XPNPEP3: variants seen among roughly 807,000 people sequenced by gnomAD.
XPNPEP3 encodes X-prolyl aminopeptidase 3.
A neutral mutation model predicts 60.0 loss-of-function variants in XPNPEP3; 41 were observed. That is an observed-to-expected ratio of 0.68 (90% CI 0.53 to 0.89). XPNPEP3 has a LOEUF of 0.89. Ranked by LOEUF, XPNPEP3 falls within the 40% of genes least tolerant of loss-of-function variation. The probability of loss-of-function intolerance (pLI) is 0.00; values close to 1 mark genes in which losing one functional copy is unlikely to be tolerated. For missense variants in XPNPEP3, 598 were observed against 638.9 expected (o/e 0.94, Z 0.69); for synonymous variants, 212 against 223.2 (o/e 0.95, Z 0.45).
At chr22:40,896,975 T>C (rs2058110715) in intron 4 of XPNPEP3, among the ~76,000 whole-genome samples, 1 of 152,188 alleles carries the variant, frequency 6.6e-6, no homozygotes, top group African/African-American at 2.4e-5. Flanking sequence ...CAGAATGACA[T>C]TCCTCTATGG....
chr22:40,893,192 G>T (rs934100187), intron 4 of XPNPEP3, among the ~76,000 whole-genome samples: 69 of 144,788 alleles, frequency 4.8e-4, no homozygotes, highest in African/African-American at 1.7e-3. Flanking sequence ...TGCAAAACAG[G>T]TTGCTTTCCC....
At chr22:40,904,056 A>G (rs1169040025) in intron 4 of XPNPEP3, among the ~76,000 whole-genome samples, 1 of 152,218 alleles carries the variant, frequency 6.6e-6, no homozygotes, top group East Asian at 1.9e-4. Flanking sequence ...TTTAACAGTC[A>G]AAATACAAAC....
At chr22:40,906,399 G>A (rs994265721) in intron 4 of XPNPEP3, among the ~76,000 whole-genome samples, 17 of 150,598 alleles carry the variant, frequency 1.1e-4, no homozygotes, top group African/African-American at 3.9e-4. Context: ...CCAGCCTGTG[G>A]GATGGAGTGA....
intron 1 of XPNPEP3, chr22:40,861,051 T>C (rs1338254447): frequency 1.9e-6 from 3 of 1,565,732 alleles, no homozygotes; most frequent in Non-Finnish European, 2.6e-6. Flanking sequence ...ATGTTATATA[T>C]TTGAAGAGTC....
intron 1 of XPNPEP3, 38 bp from the exon 2 acceptor site, chr22:40,868,961 T>C (rs1386495870): frequency 1.3e-6 from 2 of 1,523,708 alleles, no homozygotes; most frequent in African/African-American, 2.7e-5. Flanking sequence ...ACTTTCTAGA[T>C]CTATTGTTTC....
Position 40,877,219 on chromosome 22 carries a change from C to G in XPNPEP3, c.182-4551C>G, listed in dbSNP as rs150924764. Among the ~76,000 whole-genome samples, 772 of 152,234 alleles carry G rather than the reference C, an allele frequency of 5.1e-3. 3 individuals carry two copies. Among genetic ancestry groups the G allele is most frequent in the African/African-American group, 0.017 (723 of 41,538 alleles). ...CAGTCATTGCATTTTTTCTGAGAGG[C>G]CTGTTTTACATTATAAAGGAAACAC... On this transcript the variant is annotated intron_variant, in intron 2 of 9. Coordinates refer to ENST00000357137, the MANE Select transcript of XPNPEP3 (RefSeq NM_022098.4).
At chr22:40,875,017 C>T (rs1015446957) in intron 2 of XPNPEP3, among the ~76,000 whole-genome samples, 6 of 152,072 alleles carry the variant, frequency 3.9e-5, no homozygotes, top group African/African-American at 1.4e-4. Context: ...TAGATTATAC[C>T]TGATAGAATA....
intron 2 of XPNPEP3, among the ~76,000 whole-genome samples, chr22:40,871,306 T>C (rs1752941835): frequency 6.6e-6 from 1 of 152,194 alleles, no homozygotes; most frequent in Admixed American, 6.5e-5. Context: ...TGAGCTGTGA[T>C]CATGCCTCTG....
chr22:40,862,572 G>T, intron 1 of XPNPEP3: 1 of 985,446 alleles, frequency 1.0e-6, no homozygotes, highest in Non-Finnish European at 1.2e-6. Context: ...ATGATGAGAG[G>T]AAGTACTGGA....
intron 7 of XPNPEP3, chr22:40,917,855 G>T (rs1229944354): frequency 6.6e-6 from 1 of 151,592 alleles, no homozygotes; most frequent in Non-Finnish European, 1.5e-5. Flanking sequence ...AATCATGAAA[G>T]AAAAAAATAG....
Position 40,922,193 on chromosome 22 carries a change from T to C in XPNPEP3, c.1056-140T>C, listed in dbSNP as rs1334748618. ...GGACATGATTGAGCTCCTGGCCATA[T>C]TGATAGATTGGTACTTATTAAACAT... On this transcript the variant is annotated intron_variant, in intron 7 of 9. Transcript: ENST00000357137. 10 of 943,384 alleles carry C rather than the reference T, an allele frequency of 1.1e-5. No individual in the cohort carries two copies. In the African/African-American group the frequency reaches 1.5e-4, roughly 14 times the overall value. The allele number at this position is 943,384 out of a possible 1,614,324, so 58.4% of individuals were successfully genotyped here.
At chr22:40,881,234 A>C (rs911377738) in intron 2 of XPNPEP3, among the ~76,000 whole-genome samples, 5 of 151,972 alleles carry the variant, frequency 3.3e-5, no homozygotes, top group Middle Eastern at 3.4e-3. Context: ...TTTTTAGTAG[A>C]GATGAGGTTT....
At chr22:40,861,008 G>A in intron 1 of XPNPEP3, 1 of 1,493,042 alleles carries the variant, frequency 6.7e-7, no homozygotes. Context: ...TACAAAATTT[G>A]TGATTAACCA....
chr22:40,892,851 C>T (rs931661231), intron 4 of XPNPEP3, among the ~76,000 whole-genome samples: 5 of 151,960 alleles, frequency 3.3e-5, no homozygotes, highest in African/African-American at 1.2e-4. Flanking sequence ...ATTTTTGTCA[C>T]TGAGCCAAGT....
chr22:40,907,132 G>T (rs984101630), intron 4 of XPNPEP3: 1 of 456,276 alleles, frequency 2.2e-6, no homozygotes, highest in East Asian at 7.0e-5. Flanking sequence ...TCAGAAATCC[G>T]TATTATTGGC....
chr22:40,882,300 GA>G, intron 3 of XPNPEP3, 123 bp downstream of exon 3: 1 of 1,082,788 alleles, frequency 9.2e-7, no homozygotes, highest in Non-Finnish European at 1.3e-6. Context: ...TGAGCACCAT[GA>G]AAGAAATGTA....
intron 2 of XPNPEP3, among the ~76,000 whole-genome samples, chr22:40,874,354 A>G (rs567074930): frequency 2.3e-3 from 352 of 152,292 alleles, no homozygotes; most frequent in Non-Finnish European, 4.2e-3. Context: ...TTCAAAATAT[A>G]CATACGTGCT....
At chr22:40,866,544 G>A (rs753617425) in intron 1 of XPNPEP3, among the ~76,000 whole-genome samples, 4 of 152,078 alleles carry the variant, frequency 2.6e-5, no homozygotes, top group Non-Finnish European at 4.4e-5. Flanking sequence ...TGATTTAGCC[G>A]GGGTTCTTCA....
chr22:40,889,580 C>T (rs1331257412), intron 4 of XPNPEP3, among the ~76,000 whole-genome samples: 2 of 152,190 alleles, frequency 1.3e-5, no homozygotes, highest in Admixed American at 6.5e-5. Context: ...ATAATCTCAG[C>T]ACTGAGGCCA....
Sources: gnomAD v4.1 joint callset for allele counts (sites outside exome capture counted in the v4.1 genomes callset) on GRCh38, gnomAD v4.1.1 for gene constraint, MANE v1.5 for transcripts, NCBI Gene and HGNC (gene_info 2026-07-23, HGNC 2026-07-21) for gene names.